PTPRM: variants seen among roughly 807,000 people sequenced by gnomAD.
PTPRM encodes protein tyrosine phosphatase receptor type M, also known as receptor-type tyrosine-protein phosphatase mu.
PTPRM carries 47 observed loss-of-function variants against 186.7 expected under a neutral mutation model. The observed-to-expected ratio is 0.25, with a 90% CI of 0.20 to 0.32. PTPRM has a LOEUF of 0.32. Among genes scored for constraint, PTPRM ranks in the 10% least tolerant of loss-of-function variants. The probability of loss-of-function intolerance (pLI) is 1.00; values close to 1 mark genes in which losing one functional copy is unlikely to be tolerated. For synonymous variants in PTPRM, 668 were observed against 674.9 expected (o/e 0.99, Z 0.16); for missense variants, 1,494 against 1,865.0 (o/e 0.80, Z 3.66).
At chr18:7,841,203 G>C (rs1412894632) in intron 2 of PTPRM, among the ~76,000 whole-genome samples, 1 of 150,338 alleles carries the variant, frequency 6.7e-6, no homozygotes, top group Non-Finnish European at 1.5e-5. Flanking sequence ...TTTGCATATT[G>C]CTTCCTTATA....
chr18:8,063,266 C>A (rs1222305449), intron 7 of PTPRM, among the ~76,000 whole-genome samples: 2 of 143,368 alleles, frequency 1.4e-5, no homozygotes, highest in African/African-American at 6.0e-5. Context: ...AAGGGAACTC[C>A]CTGACCCCTT....
chr18:8,148,370 G>C (rs1456203275), intron 14 of PTPRM, among the ~76,000 whole-genome samples: 1 of 152,126 alleles, frequency 6.6e-6, no homozygotes, highest in Non-Finnish European at 1.5e-5. Flanking sequence ...TCCTGGTTTA[G>C]ACTTGGGAGG....
In PTPRM at chr18:8,022,886, T is replaced by A. The variant is rs1344090313; in HGVS notation, c.1133-46800T>A. ...TAAAATGTTTGGCAAACATTTGGAA[T>A]AGCAACTGGACAAGCTTCTGAGGAA... On this transcript the variant is annotated intron_variant, in intron 7 of 32. Coordinates refer to ENST00000580170, the MANE Select transcript of PTPRM (RefSeq NM_001105244.2). Among the ~76,000 whole-genome samples, 99 of 152,164 alleles carry A rather than the reference T, an allele frequency of 6.5e-4. 1 individual carries two copies. Among genetic ancestry groups the A allele is most frequent in the Admixed American group, 6.4e-3 (97 of 15,270 alleles).
chr18:7,955,479 G>C, intron 7 of PTPRM, 65 bp downstream of exon 7: 1 of 1,540,702 alleles, frequency 6.5e-7, no homozygotes, highest in Non-Finnish European at 8.8e-7. Flanking sequence ...GCAGCACTGG[G>C]GTTGATCAGA....
intron 14 of PTPRM, among the ~76,000 whole-genome samples, chr18:8,197,417 A>T (rs1326731942): frequency 6.6e-6 from 1 of 152,172 alleles, no homozygotes; most frequent in Non-Finnish European, 1.5e-5. Flanking sequence ...TAGTTAAAGG[A>T]TAGGAAAACT....
intron 1 of PTPRM, among the ~76,000 whole-genome samples, chr18:7,653,512 C>T (rs1044255236): frequency 6.6e-6 from 1 of 152,064 alleles, no homozygotes; most frequent in Non-Finnish European, 1.5e-5. Context: ...TGTTGTTCCC[C>T]TCTTTGTGTC....
chr18:8,228,555 G>A lies in PTPRM; in HGVS notation c.2301-15503G>A, dbSNP rs56138330. ...CCTCTTTATCATTTAGAAAAAATCA[G>A]AAATAGGCTGGGTGTGGTGGCTCAC... is the stretch of plus-strand genomic sequence containing the variant. On this transcript the variant is annotated intron_variant, in intron 14 of 32. Coordinates refer to ENST00000580170, the MANE Select transcript of PTPRM (RefSeq NM_001105244.2). 4.3e-3 allele frequency among the ~76,000 whole-genome samples: 648 copies of A among 151,872 alleles called. 4 individuals carry two copies. Among genetic ancestry groups the A allele is most frequent in the African/African-American group, 0.015 (608 of 41,402 alleles).
At chr18:8,057,134 CA>C (rs749324952) in intron 7 of PTPRM, among the ~76,000 whole-genome samples, 2 of 149,320 alleles carry the variant, frequency 1.3e-5, no homozygotes, top group African/African-American at 2.5e-5. Context: ...AATAAAAGTA[CA>C]AAACCATGTT....
intron 14 of PTPRM, among the ~76,000 whole-genome samples, chr18:8,234,392 T>TG (rs1366245299): frequency 6.6e-6 from 1 of 152,214 alleles, no homozygotes; most frequent in Non-Finnish European, 1.5e-5. Flanking sequence ...TGCTCATTGC[T>TG]GGTATATAGG....
chr18:7,866,135 C>A (rs2047678249), intron 2 of PTPRM, among the ~76,000 whole-genome samples: 1 of 151,958 alleles, frequency 6.6e-6, no homozygotes, highest in Non-Finnish European at 1.5e-5. Context: ...CAAAAAACCA[C>A]CTCCTGGATT....
chr18:8,295,644 C>T (rs1162192436), intron 19 of PTPRM, among the ~76,000 whole-genome samples: 1 of 152,180 alleles, frequency 6.6e-6, no homozygotes, highest in African/African-American at 2.4e-5. Context: ...TTTCCCATAA[C>T]CTCCTCACAT....
chr18:7,727,350 A>G (rs1037203240), intron 1 of PTPRM, among the ~76,000 whole-genome samples: 1 of 152,218 alleles, frequency 6.6e-6, no homozygotes, highest in Non-Finnish European at 1.5e-5. Flanking sequence ...CATCAAGCAG[A>G]TGCCTTTAAC....
At chr18:8,018,735 A>G (rs1015535379) in intron 7 of PTPRM, among the ~76,000 whole-genome samples, 1 of 152,216 alleles carries the variant, frequency 6.6e-6, no homozygotes, top group African/African-American at 2.4e-5. Flanking sequence ...ATATGTGGTC[A>G]ACCTAACTAT....
chr18:7,774,328 C>A, intron 2 of PTPRM, 57 bp downstream of exon 2: 1 of 1,582,054 alleles, frequency 6.3e-7, no homozygotes, highest in Non-Finnish European at 8.6e-7. Context: ...CTCAATCATA[C>A]TATGTGTTCA....
At chr18:8,240,250 A>G (rs2094400023) in intron 14 of PTPRM, among the ~76,000 whole-genome samples, 1 of 152,130 alleles carries the variant, frequency 6.6e-6, no homozygotes, top group African/African-American at 2.4e-5. Context: ...TGACCTGTAC[A>G]GGCATACATT....
intron 7 of PTPRM, among the ~76,000 whole-genome samples, chr18:8,063,324 A>T (rs984736019): frequency 4.1e-5 from 6 of 147,086 alleles, no homozygotes; most frequent in Non-Finnish European, 7.4e-5. Context: ...GCTTGCGCAC[A>T]CCCACTGGCC....
intron 2 of PTPRM, among the ~76,000 whole-genome samples, chr18:7,828,920 C>A (rs1158771571): frequency 6.6e-6 from 1 of 152,114 alleles, no homozygotes; most frequent in Non-Finnish European, 1.5e-5. Flanking sequence ...ATAAGTATTG[C>A]AATAAAGAAC....
intron 14 of PTPRM, among the ~76,000 whole-genome samples, chr18:8,215,506 G>T (rs2094068417): frequency 6.8e-6 from 1 of 146,688 alleles, no homozygotes; most frequent in Non-Finnish European, 1.5e-5. Flanking sequence ...CTTTCCTTAA[G>T]TCCTACCTAG....
rs368262183 is a variant in PTPRM at position 7,668,489 on chromosome 18, A to T, written c.73+100598A>T. Among the ~76,000 whole-genome samples, 2 of 152,308 alleles carry T rather than the reference A, an allele frequency of 1.3e-5. No individual in the cohort carries two copies. The highest frequency in any genetic ancestry group is 4.8e-5 in the African/African-American group (2 of 41,578). On this transcript the variant is annotated intron_variant, in intron 1 of 32. Transcript: ENST00000580170. The surrounding 1 kb of genome is among the most constrained non-coding windows in gnomAD (Gnocchi z 4.7). Reference sequence around the variant, plus strand: ...ACTCCTAGAGAAGAATCCTCAGAACATTAGGCAGGTGCTCCTTTCGAGACA... The same window carrying T: ...ACTCCTAGAGAAGAATCCTCAGAACTTTAGGCAGGTGCTCCTTTCGAGACA...
Sources: allele counts gnomAD v4.1 joint callset (sites outside exome capture counted in the v4.1 genomes callset), GRCh38; gene constraint gnomAD v4.1.1; non-coding constraint Gnocchi (gnomAD v3.1); transcripts MANE v1.5; gene names NCBI Gene and HGNC (gene_info 2026-07-23, HGNC 2026-07-21).